NMT2: variants seen among roughly 807,000 people sequenced by gnomAD.
NMT2 encodes the protein glycylpeptide N-tetradecanoyltransferase 2.
A neutral mutation model predicts 65.4 loss-of-function variants in NMT2; 35 were observed. That is an observed-to-expected ratio of 0.54 (90% CI 0.41 to 0.71). NMT2 has a LOEUF of 0.71. Among genes scored for constraint, NMT2 ranks in the 30% least tolerant of loss-of-function variants. NMT2 has a pLI of 0.00. For synonymous variants in NMT2, 226 were observed against 231.8 expected (o/e 0.98, Z 0.23); for missense variants, 489 against 611.3 (o/e 0.80, Z 2.11).
At chr10:15,162,633 G>A (rs1833237294) in intron 1 of NMT2, among the ~76,000 whole-genome samples, 1 of 151,736 alleles carries the variant, frequency 6.6e-6, no homozygotes, top group South Asian at 2.1e-4. Context: ...AGATCCCAGC[G>A]ATGTTAAACA....
At chr10:15,162,919 TAA>T (rs1491557324) in intron 1 of NMT2, among the ~76,000 whole-genome samples, 1 of 149,954 alleles carries the variant, frequency 6.7e-6, no homozygotes, top group African/African-American at 2.4e-5. Context: ...TATATACATA[TAA>T]GAGAGAGATA....
In NMT2 at chr10:15,133,130, G is replaced by A. The variant is rs779965781; in HGVS notation, c.525C>T (p.Tyr175=). 1.9e-6 allele frequency: 3 copies of A among 1,612,776 alleles called. No homozygotes were observed. Among genetic ancestry groups the A allele is most frequent in the East Asian group, 2.2e-5 (1 of 44,902 alleles). ...LSDAEVLKEL[Y]TLLNENYVED... ...CTACGTAATTCTCATTTAACAACGT[G>A]TATAACTCCTTGAGCTATAAGATAA... Residue 175 remains tyrosine (Y), a synonymous_variant, in exon 5 of 12, where the codon TAC becomes TAT. Coordinates refer to ENST00000378165, the MANE Select transcript of NMT2 (RefSeq NM_004808.3).
intron 6 of NMT2, among the ~76,000 whole-genome samples, chr10:15,130,703 CAAAAAAAAAAAAA>C (rs974360507): frequency 3.5e-5 from 1 of 28,634 alleles, no homozygotes; most frequent in African/African-American, 1.2e-4. Context: ...GGCCCTGTCT[CAAAAAAAAAAAAA>C]AAAAAAAAAA....
intron 10 of NMT2, 22 bp downstream of exon 10, chr10:15,112,774 T>A: frequency 6.3e-7 from 1 of 1,590,528 alleles, no homozygotes; most frequent in Non-Finnish European, 8.6e-7. Context: ...CCAAACGGCG[T>A]GAACAGGAAG....
At chr10:15,142,617 G>A (rs1412060771) in intron 1 of NMT2, among the ~76,000 whole-genome samples, 16 of 152,168 alleles carry the variant, frequency 1.1e-4, no homozygotes, top group Admixed American at 1.0e-3. Context: ...TTCTAAAATA[G>A]AAAACAGTGC....
chr10:15,124,103 A>G (rs1846008112), intron 8 of NMT2, among the ~76,000 whole-genome samples: 1 of 152,232 alleles, frequency 6.6e-6, no homozygotes, highest in Non-Finnish European at 1.5e-5. Context: ...CTTGCAGCAC[A>G]GTGCTAAGAC....
At chr10:15,158,656 G>C (rs1037920152) in intron 1 of NMT2, among the ~76,000 whole-genome samples, 3 of 152,176 alleles carry the variant, frequency 2.0e-5, no homozygotes, top group Admixed American at 2.0e-4. Flanking sequence ...TAGACAGGCA[G>C]ACACGCTGTG....
In NMT2 at chr10:15,107,738, A is replaced by G; in HGVS notation, c.*1457T>C. ...CCAAAGTGCTGGGATTACAGGCGTG[A>G]GCCACCACACCCAGCCAAGGCATCT... On this transcript the variant is annotated 3_prime_UTR_variant, in exon 12 of 12. Coordinates refer to ENST00000378165, the MANE Select transcript of NMT2 (RefSeq NM_004808.3). 1.0e-6 allele frequency: 1 copy of G among 983,006 alleles called. No homozygotes were observed. Among genetic ancestry groups the G allele is most frequent in the South Asian group, 4.7e-5 (1 of 21,210 alleles). The allele number at this position is 983,006 out of a possible 1,614,324, so 60.9% of individuals were successfully genotyped here.
intron 2 of NMT2, among the ~76,000 whole-genome samples, chr10:15,136,550 T>A (rs867139413): frequency 2.1e-4 from 32 of 151,592 alleles, no homozygotes; most frequent in Admixed American, 8.6e-4. Flanking sequence ...GGGATGAAAA[T>A]GATCAAGAAA....
At chr10:15,155,003 G>C in intron 1 of NMT2, 1 of 1,187,952 alleles carries the variant, frequency 8.4e-7, no homozygotes. Flanking sequence ...CCATGGACAA[G>C]ATGCCAGGAC....
At chr10:15,133,458 C>CA (rs1184804024) in intron 3 of NMT2, 95 bp from the exon 4 acceptor site, 4 of 905,994 alleles carry the variant, frequency 4.4e-6, no homozygotes, top group East Asian at 2.4e-5. Flanking sequence ...GTGACATAAG[C>CA]AAAATCTGAC....
At chr10:15,162,644 C>G (rs1344042110) in intron 1 of NMT2, among the ~76,000 whole-genome samples, 1 of 151,860 alleles carries the variant, frequency 6.6e-6, no homozygotes, top group Non-Finnish European at 1.5e-5. Flanking sequence ...ATGTTAAACA[C>G]ACACACATAT....
chr10:15,145,576 C>T (rs997981733), intron 1 of NMT2, among the ~76,000 whole-genome samples: 1 of 152,044 alleles, frequency 6.6e-6, no homozygotes, highest in African/African-American at 2.4e-5. Context: ...GACGGGGTTT[C>T]GCTACGTTGG....
At chr10:15,130,433 A>G in intron 6 of NMT2, 121 bp from the exon 7 acceptor site, 1 of 793,502 alleles carries the variant, frequency 1.3e-6, no homozygotes. Context: ...CAGGCTGGGA[A>G]CACTGGCTGT....
At chr10:15,135,075 A>C (rs74548095) in intron 3 of NMT2, among the ~76,000 whole-genome samples, 199 bp downstream of exon 3, 239 of 152,356 alleles carry the variant, frequency 1.6e-3, no homozygotes, top group African/African-American at 5.3e-3. Flanking sequence ...AATGGTTATC[A>C]AAAGCCAATG....
intron 6 of NMT2, among the ~76,000 whole-genome samples, chr10:15,131,550 C>T (rs1475975107): frequency 6.6e-6 from 1 of 152,042 alleles, no homozygotes; most frequent in Non-Finnish European, 1.5e-5. Flanking sequence ...TGATACAAAC[C>T]CCTGGGACCC....
At position 15,109,709 on chromosome 10, in the gene NMT2, G is replaced by T; in HGVS notation, c.1469C>A (p.Ser490Tyr). 6.2e-7 allele frequency: 1 copy of T among 1,605,560 alleles called. No individual in the cohort carries two copies. The highest frequency in any genetic ancestry group is 8.5e-7 in the Non-Finnish European group (1 of 1,177,178). Residue 490 changes from serine (S) to tyrosine (Y), a missense_variant, in exon 11 of 12, where the codon TCT (serine) becomes TAT (tyrosine). Transcript: ENST00000378165. ...TATATCCATTTCACTTACCTTTTCAGAATCTGTACCTGGACACCTCCAATT... is the reference window on the plus strand; with the variant it reads ...TATATCCATTTCACTTACCTTTTCATAATCTGTACCTGGACACCTCCAATT... The part of the protein sequence containing the change: ...LYNWRCPGTD[S>Y]EKVGLVLQ
At chr10:15,113,049 C>G in intron 9 of NMT2, 86 bp from the exon 10 acceptor site, 1 of 1,366,346 alleles carries the variant, frequency 7.3e-7, no homozygotes, top group Non-Finnish European at 1.0e-6. Context: ...CTCCCTTGCC[C>G]CAGAGAACGA....
At chr10:15,160,656 C>T (rs1031490446) in intron 1 of NMT2, among the ~76,000 whole-genome samples, 7 of 152,116 alleles carry the variant, frequency 4.6e-5, no homozygotes, top group Admixed American at 1.3e-4. Flanking sequence ...CGTCTATAAT[C>T]CTGCCTACTT....
Sources: allele counts gnomAD v4.1 joint callset (sites outside exome capture counted in the v4.1 genomes callset), GRCh38; gene constraint gnomAD v4.1.1; transcripts MANE v1.5; gene names NCBI Gene and HGNC (gene_info 2026-07-23, HGNC 2026-07-21).